The following NCOR2 variants were observed in gnomAD, a reference collection of about 807,000 sequenced individuals.
The protein encoded by NCOR2 is nuclear receptor corepressor 2, also known as CTG repeat protein 26.
In NCOR2, 81 loss-of-function variants were observed where a neutral mutation model predicts 262.9. The ratio of observed to expected loss-of-function variants is 0.31; its 90% confidence interval spans 0.26 to 0.37. The LOEUF (loss-of-function observed/expected upper bound fraction) is 0.37. Among genes scored for constraint, NCOR2 ranks in the 10% least tolerant of loss-of-function variants. The pLI is 1.00. For missense variants in NCOR2, 3,385 were observed against 3,621.4 expected, an observed-to-expected ratio of 0.93 and a Z score of 1.68; for synonymous variants, 1,659 against 1,559.3, an observed-to-expected ratio of 1.06 and a Z score of -1.51.
chr12:124,470,596 T>C (rs1428263847), intron 4 of NCOR2, among the ~76,000 whole-genome samples: 1 of 152,206 alleles, frequency 6.6e-6, no homozygotes, highest in African/African-American at 2.4e-5. Flanking sequence ...AAAGGACGCA[T>C]ACTGTGTGAT....
Position 124,549,711 on chromosome 12 carries a change from C to T in NCOR2, c.-164-14100G>A, listed in dbSNP as rs1405137522. On this transcript the variant is annotated intron_variant, in intron 1 of 32. Coordinates refer to the NCOR2 transcript ENST00000458234. The surrounding 1 kb of genome is among the most constrained non-coding windows in gnomAD (Gnocchi z 4.4). The stretch of plus-strand genomic sequence containing the variant: ...ACCGAGGCCCAGAAAGAAAACAGCC[C>T]GCCTGAAGGTGACAGAGCGCCTCGC... Among the ~76,000 whole-genome samples the T allele has an allele frequency of 1.3e-5, 2 of 152,148 alleles. No individual in the cohort carries two copies. The highest frequency in any genetic ancestry group is 2.9e-5 in the Non-Finnish European group (2 of 68,032).
intron 1 of NCOR2, among the ~76,000 whole-genome samples, chr12:124,518,569 G>C (rs1362352436): frequency 6.6e-6 from 1 of 152,268 alleles, no homozygotes; most frequent in Non-Finnish European, 1.5e-5. Flanking sequence ...CTGCCACTCT[G>C]GGCCTATAAA....
At chr12:124,497,455 G>A (rs561864947), upstream of NCOR2, among the ~76,000 whole-genome samples, 3 of 151,944 alleles carry the variant, frequency 2.0e-5, no homozygotes, top group Admixed American at 6.5e-5. This position sits in a 1 kb window ranked among gnomAD's most constrained non-coding sequence, Gnocchi z 4.2. Flanking sequence ...TGCCACCCCC[G>A]CGTAGGGACT....
chr12:124,543,684 C>T (rs1237794275), intron 1 of NCOR2, among the ~76,000 whole-genome samples: 2 of 152,216 alleles, frequency 1.3e-5, no homozygotes, highest in Non-Finnish European at 2.9e-5. Flanking sequence ...GTATCGACCG[C>T]TTTTGGGAGG....
chr12:124,402,544 CTGCTGT>C lies in NCOR2; in HGVS notation c.1494_1499del (p.Gln509_Gln510del), dbSNP rs1204716254. The C allele has an allele frequency of 1.9e-6, 3 of 1,570,864 alleles. No homozygotes were observed. In the African/African-American group the frequency reaches 4.1e-5, roughly 21 times the overall value. On this transcript the variant is annotated inframe_deletion, in exon 14 of 47. Transcript: ENST00000405201. Reference sequence around the variant, plus strand: ...GCTGCTGCTGCTGCTGCTGCTGCTGCTGCTGTTGTTGCTGCTGCTGTCAGACCCCGG... The same window carrying C: ...GCTGCTGCTGCTGCTGCTGCTGCTGCTGTTGCTGCTGCTGTCAGACCCCGG...
intron 34 of NCOR2, 75 bp from the exon 37 acceptor site, chr12:124,340,826 T>A (rs1593127253): frequency 7.3e-7 from 1 of 1,365,638 alleles, no homozygotes; most frequent in East Asian, 2.7e-5. Context: ...CAGATCACCC[T>A]CCTGGAGAGC....
Position 124,346,556 on chromosome 12 carries a change from G to C in NCOR2, c.4359+8C>G. 6.5e-6 allele frequency: 10 copies of C among 1,533,926 alleles called. No homozygotes were observed. Among genetic ancestry groups the C allele is most frequent in the Non-Finnish European group, 8.7e-6 (10 of 1,145,802 alleles). On this transcript the variant is annotated splice_region_variant and intron_variant, in intron 31 of 46. Transcript: ENST00000405201. ...AACTGGGCCCGTGTGCCTGGCCCTG[G>C]GCCATACCTGCGTGATGGAGCCCTC...
In NCOR2 at chr12:124,378,216, C is replaced by T. The variant is rs2136069757; in HGVS notation, c.2167+21G>A. The stretch of plus-strand genomic sequence containing the variant: ...TCGGACCCACAGCTGCCAGCCACCT[C>T]CAAGCCGCGCCAGCCCTCACCTTCA... On this transcript the variant is annotated intron_variant, in intron 18 of 46. Transcript: ENST00000405201. The surrounding 1 kb of genome is among the most constrained non-coding windows in gnomAD (Gnocchi z 4.2). 1 of 1,609,208 alleles carries T rather than the reference C, an allele frequency of 6.2e-7. No homozygotes were observed. Among genetic ancestry groups the T allele is most frequent in the South Asian group, 1.1e-5 (1 of 90,618 alleles).
intron 20 of NCOR2, among the ~76,000 whole-genome samples, chr12:124,369,773 T>C (rs1249842340): frequency 6.6e-6 from 1 of 151,954 alleles, no homozygotes; most frequent in Non-Finnish European, 1.5e-5. Context: ...TGCTGGACAC[T>C]GGGCAAGGGG....
intron 1 of NCOR2, chr12:124,529,924 A>G (rs1228654682): frequency 1.3e-5 from 2 of 151,664 alleles, no homozygotes; most frequent in Non-Finnish European, 2.9e-5. Context: ...ATAAACTAAA[A>G]TAACACATTT....
chr12:124,400,460 T>C, intron 15 of NCOR2, 41 bp downstream of exon 17: 1 of 1,600,830 alleles, frequency 6.2e-7, no homozygotes, highest in Non-Finnish European at 8.5e-7. Flanking sequence ...CCGCCGTGTC[T>C]CCAGCCCCTT....
At chr12:124,370,760 G>A (rs1178689246) in intron 20 of NCOR2, among the ~76,000 whole-genome samples, 1 of 152,158 alleles carries the variant, frequency 6.6e-6, no homozygotes, top group African/African-American at 2.4e-5. Flanking sequence ...GGTCACCCAG[G>A]CCAGGAGCAA....
At chr12:124,349,389 C>T (rs1269283801) in intron 28 of NCOR2, among the ~76,000 whole-genome samples, 3 of 152,190 alleles carry the variant, frequency 2.0e-5, no homozygotes, top group South Asian at 4.1e-4. Context: ...GTGTGGCCCA[C>T]GGCCCGTGAG....
In NCOR2 at chr12:124,340,089, G is replaced by T. The variant is rs1404920445; in HGVS notation, c.5604C>A (p.Leu1868=). Residue 1868 remains leucine, a synonymous_variant, in exon 37 of 47, where the codon CTC becomes CTA. Coordinates refer to ENST00000405201, the Ensembl canonical transcript of NCOR2. Reference sequence around the variant, plus strand: ...TGTGAAGCACACTGGGTCTCTGCTGGAGGGCATCCTGGGTCCGAGGGGAGA... The same window carrying T: ...TGTGAAGCACACTGGGTCTCTGCTGTAGGGCATCCTGGGTCCGAGGGGAGA... The T allele has an allele frequency of 1.9e-6, 3 of 1,613,006 alleles. No homozygotes were observed. The Admixed American group carries it at 5.0e-5, about 27-fold the overall frequency.
intron 17 of NCOR2, among the ~76,000 whole-genome samples, chr12:124,382,215 T>A (rs2040461621): frequency 6.6e-6 from 1 of 152,236 alleles, no homozygotes; most frequent in South Asian, 2.1e-4. Flanking sequence ...GCACCTCTCC[T>A]GGTGAGACCT....
chr12:124,378,246 C>T lies in NCOR2; in HGVS notation c.2158G>A (p.Glu720Lys). ...CCGCGCCAGCCCTCACCTTCAGCCTCCTCCACCATCTCCTCCTCATTTCCG... is the reference window on the plus strand; with the variant it reads ...CCGCGCCAGCCCTCACCTTCAGCCTTCTCCACCATCTCCTCCTCATTTCCG... Residue 720 changes from glutamate (E) to lysine (K), a missense_variant, in exon 18 of 47, where the codon GAG (glutamate) becomes AAG (lysine). Transcript: ENST00000405201. The surrounding 1 kb of genome is among the most constrained non-coding windows in gnomAD (Gnocchi z 4.2). 6.2e-7 allele frequency: 1 copy of T among 1,613,826 alleles called. No individual in the cohort carries two copies. The highest frequency in any genetic ancestry group is 8.5e-7 in the Non-Finnish European group (1 of 1,179,770).
At chr12:124,471,985 A>G (rs928478373) in intron 4 of NCOR2, among the ~76,000 whole-genome samples, 1 of 152,230 alleles carries the variant, frequency 6.6e-6, no homozygotes, top group African/African-American at 2.4e-5. Flanking sequence ...ATAAACACAC[A>G]TGTGTATACA....
intron 13 of NCOR2, among the ~76,000 whole-genome samples, chr12:124,419,238 T>C (rs1267933348): frequency 6.6e-6 from 1 of 152,174 alleles, no homozygotes; most frequent in African/African-American, 2.4e-5. Flanking sequence ...AAGCAAACTT[T>C]TTCTATGAAG....
chr12:124,438,657 G>C (rs1446971022), intron 7 of NCOR2, among the ~76,000 whole-genome samples: 2 of 134,150 alleles, frequency 1.5e-5, no homozygotes, highest in Non-Finnish European at 3.3e-5. Flanking sequence ...CACGTCCTGG[G>C]AGACGGGAGT....
Sources: gnomAD v4.1 joint callset for allele counts (sites outside exome capture counted in the v4.1 genomes callset) on GRCh38, gnomAD v4.1.1 for gene constraint, Gnocchi (gnomAD v3.1) non-coding constraint, MANE v1.5 for transcripts, NCBI Gene and HGNC (gene_info 2026-07-23, HGNC 2026-07-21) for gene names.